The following NLGN1 variants were observed in gnomAD, a reference collection of about 807,000 sequenced individuals.
The protein encoded by NLGN1 is neuroligin 1.
Under a neutral mutation model 65.5 loss-of-function variants are expected in NLGN1, and 12 were observed. That is an observed-to-expected ratio of 0.18 (90% CI 0.12 to 0.30). The LOEUF (loss-of-function observed/expected upper bound fraction) is 0.30. Among genes scored for constraint, NLGN1 ranks in the 10% least tolerant of loss-of-function variants. The pLI, the probability that NLGN1 is intolerant of heterozygous loss-of-function variation, is 1.00. For missense variants in NLGN1, 750 were observed against 1,007.1 expected, an observed-to-expected ratio of 0.74 and a Z score of 3.46; for synonymous variants, 350 against 359.5, an observed-to-expected ratio of 0.97 and a Z score of 0.30.
intron 2 of NLGN1, among the ~76,000 whole-genome samples, chr3:173,486,830 A>G (rs1448538943): frequency 6.6e-6 from 1 of 151,966 alleles, no homozygotes; most frequent in African/African-American, 2.4e-5. Context: ...CTGTTCAAAT[A>G]GAAGCTTCTT....
intron 4 of NLGN1, among the ~76,000 whole-genome samples, chr3:174,175,111 T>A (rs1452235861): frequency 6.6e-6 from 1 of 151,974 alleles, no homozygotes; most frequent in Admixed American, 6.6e-5. Context: ...AGGAGAAGAA[T>A]GTATACTCTG....
intron 3 of NLGN1, among the ~76,000 whole-genome samples, chr3:173,710,712 C>T (rs1768815592): frequency 6.6e-6 from 1 of 152,090 alleles, no homozygotes; most frequent in Non-Finnish European, 1.5e-5. Context: ...AATCTTTTAA[C>T]AATAAAGTTC....
At chr3:173,992,570 T>A (rs998995221) in intron 4 of NLGN1, among the ~76,000 whole-genome samples, 3 of 152,234 alleles carry the variant, frequency 2.0e-5, no homozygotes, top group Non-Finnish European at 2.9e-5. Flanking sequence ...CATGAAAGAA[T>A]TATTTTTATA....
At chr3:173,522,405 T>G (rs1734910042) in intron 2 of NLGN1, among the ~76,000 whole-genome samples, 1 of 152,198 alleles carries the variant, frequency 6.6e-6, no homozygotes, top group Non-Finnish European at 1.5e-5. Context: ...TTGCAAATAG[T>G]GCTGCAATGA....
chr3:174,255,074 T>C (rs1745430654), intron 4 of NLGN1, among the ~76,000 whole-genome samples: 1 of 152,038 alleles, frequency 6.6e-6, no homozygotes, highest in South Asian at 2.1e-4. Flanking sequence ...CAAATGAACG[T>C]CTAGATTAAA....
intron 4 of NLGN1, among the ~76,000 whole-genome samples, chr3:174,061,813 T>G (rs1005860533): frequency 6.6e-6 from 1 of 152,132 alleles, no homozygotes; most frequent in Non-Finnish European, 1.5e-5. Flanking sequence ...CCATTGAATA[T>G]TCCCTGGTTG....
intron 4 of NLGN1, among the ~76,000 whole-genome samples, chr3:173,868,859 A>G (rs1371861905): frequency 6.6e-6 from 1 of 152,120 alleles, no homozygotes; most frequent in Non-Finnish European, 1.5e-5. Flanking sequence ...CAATATTTAC[A>G]TGAGGTACTT....
At chr3:173,998,566 C>T (rs951486456) in intron 4 of NLGN1, among the ~76,000 whole-genome samples, 3 of 152,172 alleles carry the variant, frequency 2.0e-5, no homozygotes, top group East Asian at 1.9e-4. Flanking sequence ...CTCTTCCTTG[C>T]CCACTAGGAA....
At chr3:174,189,359 C>T (rs1251183126) in intron 4 of NLGN1, among the ~76,000 whole-genome samples, 1 of 151,944 alleles carries the variant, frequency 6.6e-6, no homozygotes, top group Admixed American at 6.6e-5. Context: ...GTGTTTTCAA[C>T]ATCTTAAGTT....
chr3:173,571,399 A>G (rs1003730343), intron 2 of NLGN1, among the ~76,000 whole-genome samples: 2 of 152,210 alleles, frequency 1.3e-5, no homozygotes, highest in Admixed American at 1.3e-4. Flanking sequence ...GTGAGTATCT[A>G]ATATATAAAA....
intron 4 of NLGN1, among the ~76,000 whole-genome samples, chr3:173,983,613 T>C (rs1384380494): frequency 1.3e-5 from 2 of 152,158 alleles, no homozygotes; most frequent in Admixed American, 6.5e-5. Context: ...CTCCAGCCTC[T>C]TGTAGTCTCT....
intron 4 of NLGN1, among the ~76,000 whole-genome samples, chr3:174,097,814 T>C (rs1745816869): frequency 6.6e-6 from 1 of 152,208 alleles, no homozygotes; most frequent in South Asian, 2.1e-4. Flanking sequence ...CAGTCTCTAA[T>C]TATGAACAAG....
At chr3:173,422,357 G>A (rs76966419) in intron 1 of NLGN1, among the ~76,000 whole-genome samples, 4,377 of 152,168 alleles carry the variant, frequency 0.029, 207 homozygotes, top group African/African-American at 0.1. Flanking sequence ...GGCGGTTACC[G>A]GAGGCTGTGA....
chr3:173,487,551 CCTAT>C (rs1332781081), intron 2 of NLGN1, among the ~76,000 whole-genome samples: 2 of 151,850 alleles, frequency 1.3e-5, no homozygotes, highest in Admixed American at 6.6e-5. Context: ...TAGATATTAA[CCTAT>C]CTATGTTAAA....
chr3:173,552,720 T>C (rs1741078585), intron 2 of NLGN1, among the ~76,000 whole-genome samples: 1 of 152,072 alleles, frequency 6.6e-6, no homozygotes, highest in Non-Finnish European at 1.5e-5. Context: ...GGCATGAACT[T>C]CCTGAGTCTC....
At chr3:174,196,292 A>G (rs1469390051) in intron 4 of NLGN1, among the ~76,000 whole-genome samples, 2 of 151,310 alleles carry the variant, frequency 1.3e-5, no homozygotes, top group Non-Finnish European at 3.0e-5. Flanking sequence ...TCAGAAGATA[A>G]TTCTGTACAT....
At chr3:174,179,577 A>AT (rs1730017194) in intron 4 of NLGN1, among the ~76,000 whole-genome samples, 1 of 152,064 alleles carries the variant, frequency 6.6e-6, no homozygotes, top group Non-Finnish European at 1.5e-5. Flanking sequence ...GTATAAATGT[A>AT]TTTTTTAACT....
intron 4 of NLGN1, among the ~76,000 whole-genome samples, chr3:174,155,833 G>A (rs9874002): frequency 0.3 from 44,890 of 151,680 alleles, 7,872 homozygotes; most frequent in East Asian, 0.57. Context: ...GGCTTGTGGT[G>A]TTTTCAGGGA....
At chr3:174,060,701 A>G (rs1469027469) in intron 4 of NLGN1, among the ~76,000 whole-genome samples, 1 of 152,028 alleles carries the variant, frequency 6.6e-6, no homozygotes, top group Admixed American at 6.6e-5. Context: ...CACATCCTCA[A>G]CTTATGTTAC....
Sources: allele counts gnomAD v4.1 joint callset (sites outside exome capture counted in the v4.1 genomes callset), GRCh38; gene constraint gnomAD v4.1.1; transcripts MANE v1.5; gene names NCBI Gene and HGNC (gene_info 2026-07-23, HGNC 2026-07-21).